Variants in GRM5 observed in about 807,000 individuals in gnomAD.
The protein encoded by GRM5 is glutamate metabotropic receptor 5, also known as metabotropic glutamate receptor 5.
In GRM5, 19 loss-of-function variants were observed where a neutral mutation model predicts 83.1. That is an observed-to-expected ratio of 0.23 (90% CI 0.16 to 0.34). The LOEUF is 0.34. GRM5 is among the 10% of genes least tolerant of loss of function. GRM5 has a pLI of 1.00. For synonymous variants in GRM5, 675 were observed against 633.6 expected, an observed-to-expected ratio of 1.07 and a Z score of -0.98; for missense variants, 1,160 against 1,588.3, an observed-to-expected ratio of 0.73 and a Z score of 4.58.
intron 2 of GRM5, among the ~76,000 whole-genome samples, chr11:88,952,787 A>G (rs1938503766): frequency 6.6e-6 from 1 of 152,196 alleles, no homozygotes; most frequent in African/African-American, 2.4e-5. Flanking sequence ...AGCCTTGGGC[A>G]ATCATTTCCA....
chr11:88,913,279 C>T (rs1049033923), intron 2 of GRM5, among the ~76,000 whole-genome samples: 1 of 152,076 alleles, frequency 6.6e-6, no homozygotes, highest in Non-Finnish European at 1.5e-5. Context: ...TCCTGTGCCT[C>T]TCTATTCTCA....
intron 2 of GRM5, among the ~76,000 whole-genome samples, chr11:88,986,517 T>A (rs1304524797): frequency 6.6e-6 from 1 of 151,796 alleles, no homozygotes; most frequent in African/African-American, 2.4e-5. Context: ...AAAATGTTTA[T>A]TCAACTCTTT....
intron 7 of GRM5, among the ~76,000 whole-genome samples, chr11:88,568,499 C>T (rs1029401995): frequency 1.1e-4 from 16 of 151,992 alleles, no homozygotes; most frequent in African/African-American, 3.9e-4. Flanking sequence ...TAACAAGTGG[C>T]CTAAGATGAG....
intron 2 of GRM5, among the ~76,000 whole-genome samples, chr11:88,865,801 G>GA (rs1351427271): frequency 6.6e-6 from 1 of 151,988 alleles, no homozygotes; most frequent in African/African-American, 2.4e-5. Context: ...ACAAACATAT[G>GA]AAAAAAACTC....
At chr11:88,751,211 A>C (rs1942268323) in intron 3 of GRM5, among the ~76,000 whole-genome samples, 1 of 151,976 alleles carries the variant, frequency 6.6e-6, no homozygotes, top group South Asian at 2.1e-4. Flanking sequence ...ACCACTAGCT[A>C]GATTAAAAAG....
chr11:88,819,351 G>C (rs1466704761), intron 3 of GRM5, among the ~76,000 whole-genome samples: 1 of 152,154 alleles, frequency 6.6e-6, no homozygotes, highest in Non-Finnish European at 1.5e-5. Flanking sequence ...TTGTGCAGTA[G>C]ATATGCTACT....
intron 2 of GRM5, among the ~76,000 whole-genome samples, chr11:89,015,811 CT>C (rs998282256): frequency 2.0e-5 from 3 of 152,156 alleles, no homozygotes; most frequent in African/African-American, 7.2e-5. Flanking sequence ...CACAAACCAG[CT>C]TGGAAGACTA....
At chr11:88,916,650 G>C (rs1292039984) in intron 2 of GRM5, among the ~76,000 whole-genome samples, 1 of 151,818 alleles carries the variant, frequency 6.6e-6, no homozygotes, top group African/African-American at 2.4e-5. Context: ...CAGTGGACTT[G>C]GGGTGCATGT....
chr11:88,740,868 A>G (rs1490282346), intron 3 of GRM5, among the ~76,000 whole-genome samples: 1 of 152,050 alleles, frequency 6.6e-6, no homozygotes, highest in African/African-American at 2.4e-5. Context: ...AGGTTGGAGG[A>G]AGATTATCTA....
intron 3 of GRM5, among the ~76,000 whole-genome samples, chr11:88,735,086 C>T (rs1941885191): frequency 6.6e-6 from 1 of 152,036 alleles, no homozygotes; most frequent in Admixed American, 6.6e-5. Context: ...GCTAGTCCTG[C>T]TTTTCTAACA....
At position 88,598,938 on chromosome 11, in the gene GRM5, C is replaced by T. The variant is rs1449156447; in HGVS notation, c.1395-1586G>A. ...ATTTTACAGATAATGGACTGAAGCTCAGTGAGGTTAATTAGTACAGATTAC... is the reference window on the plus strand; with the variant it reads ...ATTTTACAGATAATGGACTGAAGCTTAGTGAGGTTAATTAGTACAGATTAC... On this transcript the variant is annotated intron_variant, in intron 5 of 9. Coordinates refer to ENST00000305447, the MANE Select transcript of GRM5 (RefSeq NM_001143831.3). Among the ~76,000 whole-genome samples, 13 of 152,138 alleles carry T rather than the reference C, an allele frequency of 8.5e-5. 1 individual carries two copies. Among genetic ancestry groups the T allele is most frequent in the Admixed American group, 8.5e-4 (13 of 15,270 alleles).
intron 2 of GRM5, among the ~76,000 whole-genome samples, chr11:88,899,099 A>G (rs1433012599): frequency 6.6e-6 from 1 of 151,804 alleles, no homozygotes; most frequent in African/African-American, 2.4e-5. Flanking sequence ...TGATCTTTAG[A>G]TTTTTTTGAC....
chr11:88,657,118 T>G (rs1939783743), intron 3 of GRM5, among the ~76,000 whole-genome samples: 1 of 152,188 alleles, frequency 6.6e-6, no homozygotes, highest in Non-Finnish European at 1.5e-5. Flanking sequence ...TTAACTAAGA[T>G]GTCTTTAAAC....
chr11:89,065,890 G>A lies in GRM5; in HGVS notation c.-315C>T, dbSNP rs903383799. ...GCTAGTGTCGGCGATGGAGGCAGCG[G>A]TGACAGCAGGCAGAACGGCTGCGGG... is the stretch of plus-strand genomic sequence containing the variant. On this transcript the variant is annotated 5_prime_UTR_variant, in exon 1 of 10. Coordinates refer to ENST00000305447, the MANE Select transcript of GRM5 (RefSeq NM_001143831.3). The A allele has an allele frequency of 1.3e-5, 2 of 152,338 alleles. No individual in the cohort carries two copies. Among genetic ancestry groups the A allele is most frequent in the East Asian group, 1.9e-4 (1 of 5,168 alleles). The allele number at this position is 152,338 out of a possible 1,614,324, so 9.4% of individuals were successfully genotyped here.
chr11:88,703,390 G>GGTTC lies in GRM5; in HGVS notation c.912-49988_912-49987insGAAC, dbSNP rs1554996994. Among the ~76,000 whole-genome samples, 792 of 151,910 alleles carry GGTTC rather than the reference G, an allele frequency of 5.2e-3. 6 individuals are homozygous for GGTTC. The highest frequency in any genetic ancestry group is 0.018 in the African/African-American group (741 of 41,468). On this transcript the variant is annotated intron_variant, in intron 3 of 9. Transcript: ENST00000305447. ...GGATAGTACTGGACACCTGAGGGAT[G>GGTTC]GTATGTAGACATCTCATGTTACCTT... is the stretch of plus-strand genomic sequence containing the variant.
intron 3 of GRM5, among the ~76,000 whole-genome samples, chr11:88,835,392 G>A (rs1403081845): frequency 2.0e-5 from 3 of 152,146 alleles, no homozygotes; most frequent in South Asian, 2.1e-4. Flanking sequence ...TCTGATATTC[G>A]GCTGGTATGC....
At chr11:88,696,969 AT>A (rs1423573255) in intron 3 of GRM5, among the ~76,000 whole-genome samples, 1 of 152,244 alleles carries the variant, frequency 6.6e-6, no homozygotes, top group East Asian at 1.9e-4. Flanking sequence ...TCCTTTAAAA[AT>A]TTTTTCTTTC....
chr11:88,792,307 T>C (rs1005837788), intron 3 of GRM5, among the ~76,000 whole-genome samples: 1 of 152,084 alleles, frequency 6.6e-6, no homozygotes, highest in African/African-American at 2.4e-5. Flanking sequence ...CAATATCAGT[T>C]ATGAGGAACT....
At chr11:88,738,937 A>G (rs1360982758) in intron 3 of GRM5, among the ~76,000 whole-genome samples, 1 of 152,050 alleles carries the variant, frequency 6.6e-6, no homozygotes, top group African/African-American at 2.4e-5. Context: ...CTATCTTTAC[A>G]TGCTCCAATT....
Sources: allele counts gnomAD v4.1 joint callset (sites outside exome capture counted in the v4.1 genomes callset), GRCh38; gene constraint gnomAD v4.1.1; transcripts MANE v1.5; gene names NCBI Gene and HGNC (gene_info 2026-07-23, HGNC 2026-07-21).